MPPED2: variants seen among roughly 807,000 people sequenced by gnomAD.
The protein encoded by MPPED2 is metallophosphoesterase MPPED2.
Under a neutral mutation model 33.0 loss-of-function variants are expected in MPPED2, and 5 were observed. That is an observed-to-expected ratio of 0.15 (90% confidence interval 0.08 to 0.32). The LOEUF is 0.32. MPPED2 is among the 10% of genes least tolerant of loss of function. The pLI is 1.00. For synonymous variants in MPPED2, 136 were observed against 141.9 expected, an observed-to-expected ratio of 0.96 and a Z score of 0.29; for missense variants, 275 against 372.1, an observed-to-expected ratio of 0.74 and a Z score of 2.15.
At chr11:30,453,256 A>AC (rs1435460022) in intron 4 of MPPED2, among the ~76,000 whole-genome samples, 4 of 152,080 alleles carry the variant, frequency 2.6e-5, no homozygotes, top group African/African-American at 9.7e-5. Context: ...GTCGAAGAAG[A>AC]CTCCACACCT....
chr11:30,533,802 C>A (rs1453522220), intron 3 of MPPED2, among the ~76,000 whole-genome samples: 2 of 152,214 alleles, frequency 1.3e-5, no homozygotes, highest in Non-Finnish European at 2.9e-5. Flanking sequence ...AAGGCACTGA[C>A]CATGCAGCTG....
rs370487633 is a variant in MPPED2, at chr11:30,411,569, C to T, written c.784G>A (p.Asp262Asn). The T allele has an allele frequency of 6.2e-7, 1 of 1,613,226 alleles. No individual in the cohort carries two copies. The highest frequency in any genetic ancestry group is 8.5e-7 in the Non-Finnish European group (1 of 1,179,388). ...GCATTGATGTACGTTGTGTAACCGT[C>T]GGTCATGATGCCATAACCTGTGGGG... Reference protein sequence around the residue: ...GIHEGYGIMTDGYTTYINAST... With the variant: ...GIHEGYGIMTNGYTTYINAST... The change falls in exon 7 of 7, where the codon GAC (aspartate) becomes AAC (asparagine). Residue 262 changes from aspartate (D) to asparagine (N), a missense_variant. Asp to Asn is a conservative substitution (Grantham distance 23, BLOSUM62 1). Coordinates refer to ENST00000358117, the MANE Select transcript of MPPED2 (RefSeq NM_001584.3).
intron 3 of MPPED2, among the ~76,000 whole-genome samples, chr11:30,522,766 G>A (rs113078402): frequency 7.7e-4 from 117 of 152,240 alleles, no homozygotes; most frequent in African/African-American, 2.8e-3. Context: ...TTCCTTGCAG[G>A]ACTCCAAGTG....
chr11:30,401,427 G>A (rs373584002), intron 6 of MPPED2, among the ~76,000 whole-genome samples: 1 of 152,204 alleles, frequency 6.6e-6, no homozygotes, highest in Non-Finnish European at 1.5e-5. Flanking sequence ...CAGATGTCCA[G>A]TGCTGACCTC....
chr11:30,403,277 A>G (rs547967066), intron 6 of MPPED2, among the ~76,000 whole-genome samples: 1 of 151,898 alleles, frequency 6.6e-6, no homozygotes, highest in Admixed American at 6.5e-5. Context: ...AAAACAATGT[A>G]GGAAGTTGTT....
At chr11:30,452,115 C>G in intron 4 of MPPED2, 1 of 984,952 alleles carries the variant, frequency 1.0e-6, no homozygotes, top group Non-Finnish European at 1.2e-6. Context: ...CAGATTATTT[C>G]TCTTCTCTAC....
intron 4 of MPPED2, among the ~76,000 whole-genome samples, chr11:30,422,445 C>A (rs1165934265): frequency 2.6e-5 from 4 of 151,780 alleles, no homozygotes; most frequent in African/African-American, 9.7e-5. Context: ...TTGTGAGGGA[C>A]CAAGTCTAGT....
intron 4 of MPPED2, among the ~76,000 whole-genome samples, chr11:30,464,974 A>C (rs1305046121): frequency 6.6e-6 from 1 of 152,210 alleles, no homozygotes; most frequent in Non-Finnish European, 1.5e-5. Context: ...CTCACTAGCT[A>C]TATAGTTTTA....
intron 4 of MPPED2, among the ~76,000 whole-genome samples, chr11:30,462,849 G>A (rs1259243396): frequency 6.6e-6 from 1 of 152,198 alleles, no homozygotes; most frequent in East Asian, 1.9e-4. Context: ...GTATTTATTT[G>A]ATGAATGGAA....
chr11:30,582,270 C>T (rs1957202514), intron 1 of MPPED2, among the ~76,000 whole-genome samples: 1 of 151,952 alleles, frequency 6.6e-6, no homozygotes, highest in African/African-American at 2.4e-5. Flanking sequence ...CAAATGAAAA[C>T]ATCTTCCTGT....
chr11:30,466,887 C>T (rs1443703614), intron 4 of MPPED2, among the ~76,000 whole-genome samples: 1 of 152,116 alleles, frequency 6.6e-6, no homozygotes, highest in East Asian at 1.9e-4. Flanking sequence ...GGAAACCATG[C>T]TTAATACATA....
chr11:30,572,690 G>C (rs1028234707), intron 2 of MPPED2, among the ~76,000 whole-genome samples: 1 of 152,120 alleles, frequency 6.6e-6, no homozygotes, highest in South Asian at 2.1e-4. Flanking sequence ...TACCTTGTTA[G>C]TAAGTGCCAT....
At chr11:30,471,091 T>G (rs2134059730) in intron 4 of MPPED2, among the ~76,000 whole-genome samples, 1 of 152,304 alleles carries the variant, frequency 6.6e-6, no homozygotes, top group South Asian at 2.1e-4. Flanking sequence ...AGCCAGAAAT[T>G]TAATCTTAAC....
chr11:30,407,548 G>A (rs1948009316), downstream of MPPED2, among the ~76,000 whole-genome samples: 1 of 152,186 alleles, frequency 6.6e-6, no homozygotes, highest in South Asian at 2.1e-4. Flanking sequence ...TACCGCTGCT[G>A]CTTTCGAGGT....
exon 7 of MPPED2, chr11:30,388,731 C>T (rs557991339): frequency 8.2e-5 from 79 of 958,232 alleles, no homozygotes; most frequent in South Asian, 2.1e-4. Flanking sequence ...GCTTCCCTGT[C>T]GCCTCCTCCT....
intron 4 of MPPED2, among the ~76,000 whole-genome samples, chr11:30,419,476 T>C (rs1948516353): frequency 6.6e-6 from 1 of 152,228 alleles, no homozygotes; most frequent in South Asian, 2.1e-4. Context: ...TTCATGGTTC[T>C]GAAATCCAGT....
At chr11:30,531,095 T>A (rs1341930698) in intron 3 of MPPED2, among the ~76,000 whole-genome samples, 2 of 152,214 alleles carry the variant, frequency 1.3e-5, no homozygotes, top group Non-Finnish European at 2.9e-5. Context: ...CCAGTTCAAC[T>A]CACCAAAGCC....
At chr11:30,408,200 C>T (rs920118213), downstream of MPPED2, among the ~76,000 whole-genome samples, 2 of 152,228 alleles carry the variant, frequency 1.3e-5, no homozygotes, top group African/African-American at 4.8e-5. Flanking sequence ...CTGTGCTGTG[C>T]TGGGCCTCAG....
At chr11:30,523,011 A>T (rs966516409) in intron 3 of MPPED2, among the ~76,000 whole-genome samples, 6 of 152,212 alleles carry the variant, frequency 3.9e-5, no homozygotes, top group Admixed American at 6.5e-5. Context: ...GCCCCATGGG[A>T]CATGTTCACA....
Sources: gnomAD v4.1 joint callset for allele counts (sites outside exome capture counted in the v4.1 genomes callset) on GRCh38, gnomAD v4.1.1 for gene constraint, MANE v1.5 for transcripts, NCBI Gene and HGNC (gene_info 2026-07-23, HGNC 2026-07-21) for gene names.